Variants in PRH1 observed in about 807,000 individuals in gnomAD.
The protein encoded by PRH1 is salivary acidic proline-rich phosphoprotein 1/2.
Under a neutral mutation model 7.9 loss-of-function variants are expected in PRH1, and 7 were observed. The ratio of observed to expected loss-of-function variants is 0.89; its 90% CI spans 0.50 to 1.67. The LOEUF is 1.67. PRH1 is among the 40% of genes most tolerant of loss of function. The pLI, the probability that PRH1 is intolerant of heterozygous loss-of-function variation, is 0.00. For synonymous variants in PRH1, 45 were observed against 80.8 expected, an observed-to-expected ratio of 0.56 and a Z score of 2.38; for missense variants, 109 against 223.6, an observed-to-expected ratio of 0.49 and a Z score of 3.27.
At chr12:10,887,236 A>G (rs2418217), upstream of PRH1, among the ~76,000 whole-genome samples, 76,354 of 152,010 alleles carry the variant, frequency 0.5, 21,491 homozygotes, top group East Asian at 0.73. Flanking sequence ...ATGAACATTG[A>G]CAGAGGGAAT....
At chr12:11,104,190 A>G (rs1242429404) in intron 1 of PRH1, among the ~76,000 whole-genome samples, 1 of 151,228 alleles carries the variant, frequency 6.6e-6, no homozygotes, top group African/African-American at 2.4e-5. Context: ...GTAAAAAAAA[A>G]AAAAAAAAAA....
chr12:10,911,615 G>A (rs932961821), intron 2 of PRH1, among the ~76,000 whole-genome samples: 4 of 152,140 alleles, frequency 2.6e-5, no homozygotes, highest in Admixed American at 2.6e-4. Context: ...TTGCAGCTAT[G>A]TTTTTAAGGA....
At chr12:10,886,567 T>G (rs573833649), upstream of PRH1, among the ~76,000 whole-genome samples, 19 of 152,070 alleles carry the variant, frequency 1.2e-4, 1 homozygote, top group African/African-American at 3.9e-4. Context: ...TGAGTGAAGG[T>G]GGGTGAAAGG....
intron 1 of PRH1, among the ~76,000 whole-genome samples, chr12:11,086,560 AAC>A (rs879548466): frequency 0.43 from 60,575 of 139,438 alleles, 14,591 homozygotes; most frequent in Non-Finnish European, 0.51. Flanking sequence ...TGCTTCATAT[AAC>A]TATGATGTGA....
intron 1 of PRH1, among the ~76,000 whole-genome samples, chr12:11,151,069 T>C (rs1254529641): frequency 1.3e-5 from 2 of 152,184 alleles, no homozygotes; most frequent in African/African-American, 4.8e-5. Context: ...TGGACCCTGC[T>C]TGAAGCTGCT....
At chr12:11,169,560 G>A (rs1947748326) in intron 1 of PRH1, among the ~76,000 whole-genome samples, 1 of 152,170 alleles carries the variant, frequency 6.6e-6, no homozygotes, top group Non-Finnish European at 1.5e-5. Flanking sequence ...GGCGTAAAGG[G>A]TGGCACAAAA....
At chr12:11,010,893 T>A (rs1941038739) in intron 1 of PRH1, among the ~76,000 whole-genome samples, 1 of 151,986 alleles carries the variant, frequency 6.6e-6, no homozygotes, top group African/African-American at 2.4e-5. Flanking sequence ...TTAATTTCTC[T>A]ATTTTTTCTT....
chr12:11,074,516 T>G (rs4517614), intron 1 of PRH1, among the ~76,000 whole-genome samples: 83 of 135,176 alleles, frequency 6.1e-4, no homozygotes, highest in African/African-American at 2.0e-3. Context: ...GAGATCCCTC[T>G]TGGAGCACAT....
intron 1 of PRH1, among the ~76,000 whole-genome samples, chr12:11,014,462 C>CAG (rs772827441): frequency 6.6e-6 from 1 of 152,116 alleles, no homozygotes; most frequent in Non-Finnish European, 1.5e-5. Flanking sequence ...GAACTGATGA[C>CAG]AGCATCAGCT....
In PRH1 at chr12:11,082,534, G is replaced by C. The variant is rs1944530639; in HGVS notation, n.124-35346C>G. 3.5e-5 allele frequency among the ~76,000 whole-genome samples: 4 copies of C among 113,768 alleles called. 1 individual carries two copies. The highest frequency in any genetic ancestry group is 8.2e-5 in the Non-Finnish European group (4 of 48,496). 74.6% of individuals were successfully genotyped at this position (113,768 alleles called of 152,430 possible). On this transcript the variant is annotated intron_variant and non_coding_transcript_variant, in intron 1 of 4. Coordinates refer to the PRH1 transcript ENST00000541977. Reference sequence around the variant, plus strand: ...TTGGCCAGGCTGGTCTGGAACTCTTGACCTCAGGTGATCGGCCAGCCTTGG... The same window carrying C: ...TTGGCCAGGCTGGTCTGGAACTCTTCACCTCAGGTGATCGGCCAGCCTTGG...
chr12:11,077,970 G>C, intron 1 of PRH1: 1 of 842,484 alleles, frequency 1.2e-6, no homozygotes, highest in Non-Finnish European at 2.0e-6. Flanking sequence ...TGAAATGGTT[G>C]ATTATTGCTG....
chr12:11,055,571 T>C (rs1198690283), intron 1 of PRH1, among the ~76,000 whole-genome samples: 1 of 152,250 alleles, frequency 6.6e-6, no homozygotes, highest in Non-Finnish European at 1.5e-5. Flanking sequence ...CCAAAACAGC[T>C]CAAATTAACT....
At chr12:11,087,753 A>G (rs1361837453) in intron 1 of PRH1, among the ~76,000 whole-genome samples, 1 of 116,462 alleles carries the variant, frequency 8.6e-6, no homozygotes, top group Non-Finnish European at 2.0e-5. Context: ...GGCCTCTACC[A>G]AAACCAGATG....
At chr12:10,952,928 T>G (rs1315878559) in intron 2 of PRH1, among the ~76,000 whole-genome samples, 1 of 152,048 alleles carries the variant, frequency 6.6e-6, no homozygotes, top group Non-Finnish European at 1.5e-5. Context: ...TGGCCAGCAA[T>G]TCAGGAACAC....
At chr12:10,915,254 C>G (rs1288295655) in intron 2 of PRH1, among the ~76,000 whole-genome samples, 1 of 152,188 alleles carries the variant, frequency 6.6e-6, no homozygotes, top group African/African-American at 2.4e-5. Context: ...GTTCAACTGA[C>G]AGTTACTGCT....
chr12:10,927,083 C>T (rs1481520332), intron 2 of PRH1, among the ~76,000 whole-genome samples: 1 of 152,112 alleles, frequency 6.6e-6, no homozygotes, highest in Non-Finnish European at 1.5e-5. Context: ...TCTTGATATG[C>T]TAGTCTCTTT....
chr12:11,059,422 G>A (rs1471622870), intron 1 of PRH1, among the ~76,000 whole-genome samples: 1 of 151,924 alleles, frequency 6.6e-6, no homozygotes, highest in African/African-American at 2.4e-5. Flanking sequence ...TTAATAACAG[G>A]TAATACATAA....
At chr12:11,030,224 T>TAAAC (rs1233638023) in intron 1 of PRH1, among the ~76,000 whole-genome samples, 1 of 115,670 alleles carries the variant, frequency 8.6e-6, no homozygotes, top group African/African-American at 4.0e-5. Context: ...CATACACACA[T>TAAAC]AAACACACAC....
At chr12:10,914,338 T>C (rs933607562) in intron 2 of PRH1, among the ~76,000 whole-genome samples, 1 of 152,194 alleles carries the variant, frequency 6.6e-6, no homozygotes, top group Non-Finnish European at 1.5e-5. Context: ...TTGGGAGTAA[T>C]ATTGCAATGA....
Sources: allele counts gnomAD v4.1 joint callset (sites outside exome capture counted in the v4.1 genomes callset), GRCh38; gene constraint gnomAD v4.1.1; transcripts MANE v1.5; gene names NCBI Gene and HGNC (gene_info 2026-07-23, HGNC 2026-07-21).